The following HACE1 variants were observed in gnomAD, a reference collection of about 807,000 sequenced individuals.
HACE1 encodes the protein HECT domain and ankyrin repeat containing E3 ubiquitin protein ligase 1, also known as E3 ubiquitin-protein ligase HACE1.
In HACE1, 73 loss-of-function variants were observed where a neutral mutation model predicts 118.4. The observed-to-expected ratio is 0.62, with a 90% CI of 0.51 to 0.75. The LOEUF is 0.75. Ranked by LOEUF, HACE1 falls within the 30% of genes least tolerant of loss-of-function variation. The probability of loss-of-function intolerance (pLI) is 0.00; values close to 1 mark genes in which losing one functional copy is unlikely to be tolerated. For synonymous variants in HACE1, 368 were observed against 374.8 expected, an observed-to-expected ratio of 0.98 and a Z score of 0.21; for missense variants, 749 against 1,102.2, an observed-to-expected ratio of 0.68 and a Z score of 4.54.
chr6:104,806,377 G>T (rs977019776), intron 7 of HACE1, among the ~76,000 whole-genome samples: 1 of 152,146 alleles, frequency 6.6e-6, no homozygotes, highest in Non-Finnish European at 1.5e-5. Flanking sequence ...TGAGAGAATT[G>T]CTTGACCCAA....
intron 5 of HACE1, among the ~76,000 whole-genome samples, chr6:104,842,984 T>C (rs1031830690): frequency 3.3e-5 from 5 of 152,250 alleles, no homozygotes; most frequent in Middle Eastern, 3.4e-3. Flanking sequence ...TGGTGGCGCA[T>C]ACCTGTAATC....
chr6:104,800,493 C>T (rs1341622906), intron 7 of HACE1, among the ~76,000 whole-genome samples: 2 of 152,112 alleles, frequency 1.3e-5, no homozygotes, highest in East Asian at 1.9e-4. Context: ...TAGGCGGGTG[C>T]CCCTCTGGGA....
chr6:104,812,138 T>C (rs1771692666), intron 6 of HACE1, among the ~76,000 whole-genome samples: 1 of 151,968 alleles, frequency 6.6e-6, no homozygotes, highest in African/African-American at 2.4e-5. Context: ...AAAACTTTCA[T>C]GGTTTTATTC....
In HACE1 at chr6:104,777,123, C is replaced by T. The variant is rs1181366631; in HGVS notation, c.1679-13G>A. ...CTAAAAATAGAATCTAAATATGTAG[C>T]ATTGGTTAATTTTACATATTAAAAT... On this transcript the variant is annotated splice_polypyrimidine_tract_variant and intron_variant, in intron 15 of 23. Transcript: ENST00000262903. The T allele has an allele frequency of 6.4e-7, 1 of 1,571,484 alleles. No homozygotes were observed. The highest frequency in any genetic ancestry group is 1.7e-5 in the Admixed American group (1 of 59,964).
intron 6 of HACE1, among the ~76,000 whole-genome samples, chr6:104,825,733 A>T (rs530636188): frequency 1.3e-5 from 2 of 152,186 alleles, no homozygotes; most frequent in African/African-American, 4.8e-5. Context: ...CAGAACCTTG[A>T]GCAGCTGCTG....
rs147305984 is a variant in HACE1 at position 104,815,404 on chromosome 6, G to C, written c.535-4011C>G. 8.2e-3 allele frequency among the ~76,000 whole-genome samples: 1,103 copies of C among 134,596 alleles called. 163 individuals are homozygous for C. The highest frequency in any genetic ancestry group is 0.014 in the Middle Eastern group (4 of 282). The allele number at this position is 134,596 out of a possible 152,430, so 88.3% of individuals were successfully genotyped here. ...TTTTTTTGACACAAAGTCTCACTCT[G>C]TCTCCTAGGCTGGAGTGTAATGGCA... On this transcript the variant is annotated intron_variant, in intron 6 of 23. Transcript: ENST00000262903.
chr6:104,771,160 A>G, intron 19 of HACE1, 33 bp downstream of exon 19: 2 of 1,499,360 alleles, frequency 1.3e-6, no homozygotes, highest in Non-Finnish European at 1.9e-6. Flanking sequence ...CCAAGTTACA[A>G]ACAATGGTTA....
Position 104,814,735 on chromosome 6 carries a change from TC to T in HACE1, c.535-3343del, listed in dbSNP as rs1771942126. Among the ~76,000 whole-genome samples the T allele has an allele frequency of 1.5e-5, 2 of 136,842 alleles. 1 individual carries two copies. The highest frequency in any genetic ancestry group is 4.5e-4 in the South Asian group (2 of 4,470). The allele number at this position is 136,842 out of a possible 152,430, so 89.8% of individuals were successfully genotyped here. The stretch of plus-strand genomic sequence containing the variant: ...GGTGACCAGAGCATGGGAGCAGATT[TC>T]CCCCTTGCTGCTCTCATGAGAGCTC... On this transcript the variant is annotated intron_variant, in intron 6 of 23. Coordinates refer to ENST00000262903, the MANE Select transcript of HACE1 (RefSeq NM_020771.4).
chr6:104,741,318 G>T (rs1366195686), intron 22 of HACE1, among the ~76,000 whole-genome samples: 1 of 142,672 alleles, frequency 7.0e-6, no homozygotes, highest in African/African-American at 2.8e-5. Flanking sequence ...AGGGCAATTA[G>T]GCAGGAGAAG....
At chr6:104,744,668 T>C in intron 20 of HACE1, 58 bp from the exon 21 acceptor site, 1 of 983,716 alleles carries the variant, frequency 1.0e-6, no homozygotes, top group Non-Finnish European at 1.6e-6. Flanking sequence ...AGTTATTATA[T>C]TTAAGTGGTA....
intron 4 of HACE1, among the ~76,000 whole-genome samples, chr6:104,844,002 G>A (rs9499990): frequency 0.19 from 28,890 of 150,706 alleles, 2,827 homozygotes; most frequent in East Asian, 0.26. Flanking sequence ...GACTACAGGC[G>A]TGTGCCACCA....
intron 4 of HACE1, among the ~76,000 whole-genome samples, chr6:104,844,740 G>A (rs887472514): frequency 2.3e-4 from 35 of 149,936 alleles, no homozygotes; most frequent in African/African-American, 8.7e-4. Flanking sequence ...TAGGCTCACT[G>A]CAACCTCTGC....
At chr6:104,843,133 C>T (rs1425372961) in intron 5 of HACE1, 90 bp downstream of exon 5, 7 of 785,180 alleles carry the variant, frequency 8.9e-6, no homozygotes. Flanking sequence ...CTTGCAGAAA[C>T]ACTTGTACTA....
intron 7 of HACE1, among the ~76,000 whole-genome samples, chr6:104,800,652 A>C (rs957823431): frequency 5.9e-5 from 9 of 152,220 alleles, no homozygotes; most frequent in African/African-American, 2.2e-4. Flanking sequence ...AGGAAAACTA[A>C]GAAAGGAGTA....
At chr6:104,846,448 C>T (rs1022885856) in intron 4 of HACE1, among the ~76,000 whole-genome samples, 1 of 152,182 alleles carries the variant, frequency 6.6e-6, no homozygotes, top group African/African-American at 2.4e-5. Flanking sequence ...AACTATATTC[C>T]TGCTCAGATA....
intron 22 of HACE1, among the ~76,000 whole-genome samples, chr6:104,734,003 T>G (rs1260977987): frequency 1.3e-5 from 2 of 151,554 alleles, no homozygotes; most frequent in African/African-American, 4.8e-5. Flanking sequence ...AAATACAAAA[T>G]TAGCTGGGCA....
In HACE1 at chr6:104,784,987, C is replaced by T. The variant is rs376262489; in HGVS notation, c.1407G>A (p.Pro469=). ...ATAATAAGCCAAAACTTTCTTACCC[C>T]GGAGGCATCTGACAAGAACAGCACA... The part of the protein sequence containing the change: ...FYMCCSCQMP[P]GMTSPRFIEF... Residue 469 remains proline, a splice_region_variant and synonymous_variant, in exon 12 of 24, where the codon CCG becomes CCA. Coordinates refer to ENST00000262903, the MANE Select transcript of HACE1 (RefSeq NM_020771.4). 1.8e-5 allele frequency: 29 copies of T among 1,606,560 alleles called. No homozygotes were observed. The highest frequency in any genetic ancestry group is 2.7e-5 in the African/African-American group (2 of 74,682).
intron 9 of HACE1, among the ~76,000 whole-genome samples, chr6:104,796,415 T>C (rs1271861204): frequency 2.0e-5 from 3 of 152,176 alleles, no homozygotes; most frequent in Admixed American, 2.0e-4. Context: ...CAGCCTATTC[T>C]AGTTATCTTA....
intron 22 of HACE1, among the ~76,000 whole-genome samples, chr6:104,735,626 G>GT (rs2114403954): frequency 6.6e-6 from 1 of 150,442 alleles, no homozygotes; most frequent in Admixed American, 6.6e-5. Context: ...GCGAGACTCC[G>GT]TCTCAAAAAA....
Sources: gnomAD v4.1 joint callset for allele counts (sites outside exome capture counted in the v4.1 genomes callset) on GRCh38, gnomAD v4.1.1 for gene constraint, MANE v1.5 for transcripts, NCBI Gene and HGNC (gene_info 2026-07-23, HGNC 2026-07-21) for gene names.